Variants in PRH1 observed in about 807,000 individuals in gnomAD.
PRH1 encodes the protein salivary acidic proline-rich phosphoprotein 1/2.
A neutral mutation model predicts 7.9 loss-of-function variants in PRH1; 7 were observed. The observed-to-expected ratio is 0.89, with a 90% confidence interval of 0.50 to 1.67. The LOEUF (loss-of-function observed/expected upper bound fraction) is 1.67, where lower values mean the gene tolerates loss of function less well. Ranked by LOEUF, PRH1 falls within the 40% of genes most tolerant of loss-of-function variation. The probability of loss-of-function intolerance (pLI) is 0.00; values close to 1 mark genes in which losing one functional copy is unlikely to be tolerated. For synonymous variants in PRH1, 45 were observed against 80.8 expected (o/e 0.56, Z 2.38); for missense variants, 109 against 223.6 (o/e 0.49, Z 3.27).
chr12:11,135,050 A>C (rs1488177391), intron 1 of PRH1, among the ~76,000 whole-genome samples: 1 of 152,160 alleles, frequency 6.6e-6, no homozygotes, highest in Non-Finnish European at 1.5e-5. Context: ...GCCCACGAAT[A>C]ATGTTTATTT....
intron 1 of PRH1, chr12:11,022,405 A>T (rs757358784): frequency 1.9e-6 from 3 of 1,614,146 alleles, no homozygotes; most frequent in Non-Finnish European, 2.5e-6. Flanking sequence ...GAGTAAACCA[A>T]TTCTGGAGAC....
chr12:11,139,950 T>A (rs1312415603), intron 1 of PRH1, among the ~76,000 whole-genome samples: 1 of 152,072 alleles, frequency 6.6e-6, no homozygotes, highest in Admixed American at 6.5e-5. Flanking sequence ...TTATATAACA[T>A]ATTATTAAAC....
chr12:10,908,724 G>A (rs1949845589), intron 2 of PRH1: 1 of 1,613,726 alleles, frequency 6.2e-7, no homozygotes, highest in African/African-American at 1.3e-5. Flanking sequence ...GAAGGCCACA[G>A]TAAATGGTGT....
chr12:11,027,372 C>A (rs1941967703), intron 1 of PRH1, among the ~76,000 whole-genome samples: 1 of 150,556 alleles, frequency 6.6e-6, no homozygotes, highest in Admixed American at 6.6e-5. Flanking sequence ...AAGTAAAATA[C>A]CAGAAGAAAA....
chr12:10,921,587 C>T (rs1950046099), intron 2 of PRH1, among the ~76,000 whole-genome samples: 1 of 152,062 alleles, frequency 6.6e-6, no homozygotes, highest in South Asian at 2.1e-4. Context: ...TTTGGTTGTA[C>T]TACCATTGTC....
chr12:10,967,267 T>G (rs531350354), intron 2 of PRH1, among the ~76,000 whole-genome samples: 17 of 152,270 alleles, frequency 1.1e-4, no homozygotes, highest in Admixed American at 1.0e-3. Flanking sequence ...AAATGGTGAA[T>G]TTTTTCCTAG....
intron 2 of PRH1, among the ~76,000 whole-genome samples, chr12:10,915,433 T>C (rs777593981): frequency 7.0e-6 from 1 of 143,274 alleles, no homozygotes; most frequent in Non-Finnish European, 1.5e-5. Flanking sequence ...AGACAAAAAC[T>C]GTGACTTGTT....
chr12:11,025,528 G>A (rs1219188393), intron 1 of PRH1, among the ~76,000 whole-genome samples: 1 of 152,260 alleles, frequency 6.6e-6, no homozygotes, highest in African/African-American at 2.4e-5. Flanking sequence ...TGTTAATTTG[G>A]TTTTAGTTAT....
At chr12:10,888,797 T>A (rs183460594), upstream of PRH1, among the ~76,000 whole-genome samples, 4 of 152,368 alleles carry the variant, frequency 2.6e-5, no homozygotes, top group East Asian at 7.7e-4. Flanking sequence ...AATCTAGTGG[T>A]GTACACTTTT....
intron 1 of PRH1, among the ~76,000 whole-genome samples, chr12:11,004,285 T>G (rs909755442): frequency 5.3e-5 from 8 of 151,988 alleles, no homozygotes; most frequent in Non-Finnish European, 1.0e-4. Context: ...ACCTCAGGTA[T>G]GGAGTTCAAG....
intron 2 of PRH1, among the ~76,000 whole-genome samples, chr12:10,925,739 C>T (rs1371567131): frequency 2.6e-5 from 4 of 152,174 alleles, no homozygotes; most frequent in Non-Finnish European, 4.4e-5. Context: ...CTCCTAATAA[C>T]AGAACTTATG....
intron 1 of PRH1, among the ~76,000 whole-genome samples, chr12:11,002,638 T>A (rs932936602): frequency 1.3e-5 from 2 of 152,112 alleles, no homozygotes; most frequent in Admixed American, 6.6e-5. Context: ...CTCAACTGCT[T>A]ATTTACAATC....
chr12:11,040,143 T>C (rs1278493484), intron 1 of PRH1, among the ~76,000 whole-genome samples: 4 of 152,246 alleles, frequency 2.6e-5, no homozygotes, highest in African/African-American at 9.6e-5. Flanking sequence ...TCTTTGTATA[T>C]GAATATTTGG....
At chr12:10,938,639 G>A (rs755795992) in intron 2 of PRH1, 2 of 1,613,674 alleles carry the variant, frequency 1.2e-6, no homozygotes, top group African/African-American at 2.7e-5. Context: ...CAAAGTAAAG[G>A]GTATGAAAAT....
At chr12:11,147,134 A>G (rs1165070879) in intron 1 of PRH1, among the ~76,000 whole-genome samples, 1 of 148,946 alleles carries the variant, frequency 6.7e-6, no homozygotes, top group Non-Finnish European at 1.5e-5. Context: ...GACTATATTA[A>G]TCTAGAAAGA....
At chr12:11,171,395 G>A (rs7488102) in intron 1 of PRH1, 704,810 of 1,231,674 alleles carry the variant, frequency 0.57, 206,250 homozygotes, top group East Asian at 0.75. Context: ...TGGCCGTCAG[G>A]GCCTCAAGCC....
chr12:11,096,955 G>A lies in PRH1; in HGVS notation n.124-49767C>T, dbSNP rs1280538741. 5.3e-5 allele frequency among the ~76,000 whole-genome samples: 6 copies of A among 112,752 alleles called. 1 individual carries two copies. The highest frequency in any genetic ancestry group is 1.8e-4 in the African/African-American group (6 of 33,384). 74.0% of individuals were successfully genotyped at this position (112,752 alleles called of 152,430 possible). A position where few individuals can be genotyped will look rare whatever the true frequency, so the allele number is the denominator to read the frequency against. On this transcript the variant is annotated intron_variant and non_coding_transcript_variant, in intron 1 of 4. Coordinates refer to the PRH1 transcript ENST00000541977. ...TGGGACTACAGGCACCCACCACCAC[G>A]CTCGGCTAATTTTTTCGTATTTTTA... is the stretch of plus-strand genomic sequence containing the variant.
At chr12:10,914,451 C>T (rs562969980) in intron 2 of PRH1, among the ~76,000 whole-genome samples, 1 of 152,246 alleles carries the variant, frequency 6.6e-6, no homozygotes, top group East Asian at 1.9e-4. Context: ...GATAATTAAC[C>T]TTGGATCCAA....
At chr12:11,169,277 T>C (rs1365098525) in intron 1 of PRH1, among the ~76,000 whole-genome samples, 4 of 152,216 alleles carry the variant, frequency 2.6e-5, no homozygotes, top group African/African-American at 4.8e-5. Context: ...GGATTAGGCA[T>C]TCAAATCTAA....
Sources: gnomAD v4.1 joint callset for allele counts (sites outside exome capture counted in the v4.1 genomes callset) on GRCh38, gnomAD v4.1.1 for gene constraint, MANE v1.5 for transcripts, NCBI Gene and HGNC (gene_info 2026-07-23, HGNC 2026-07-21) for gene names.